Variants in CAPZB observed in about 807,000 individuals in gnomAD.
CAPZB encodes capping actin protein of muscle Z-line subunit beta, also known as F-actin-capping protein subunit beta.
A neutral mutation model predicts 38.1 loss-of-function variants in CAPZB; 2 were observed. The observed-to-expected ratio is 0.05, with a 90% CI of 0.02 to 0.17. The LOEUF (loss-of-function observed/expected upper bound fraction) is 0.17, where lower values mean the gene tolerates loss of function less well. Ranked by LOEUF, CAPZB falls within the 10% of genes least tolerant of loss-of-function variation. The probability of loss-of-function intolerance (pLI) is 1.00; values close to 1 mark genes in which losing one functional copy is unlikely to be tolerated. For synonymous variants in CAPZB, 107 were observed against 127.4 expected (o/e 0.84, Z 1.08); for missense variants, 161 against 334.2 (o/e 0.48, Z 4.04).
At chr1:19,477,698 C>G (rs2094611720) in intron 1 of CAPZB, among the ~76,000 whole-genome samples, 1 of 152,190 alleles carries the variant, frequency 6.6e-6, no homozygotes, top group African/African-American at 2.4e-5. Flanking sequence ...GCCACTGGCT[C>G]AATTCTAATT....
intron 6 of CAPZB, among the ~76,000 whole-genome samples, chr1:19,355,068 G>A (rs1201014583): frequency 6.6e-6 from 1 of 152,242 alleles, no homozygotes; most frequent in Non-Finnish European, 1.5e-5. Context: ...CTCTGACACA[G>A]GAGAGGCAGT....
intron 2 of CAPZB, among the ~76,000 whole-genome samples, chr1:19,402,140 G>T (rs925325098): frequency 6.6e-6 from 1 of 152,220 alleles, no homozygotes; most frequent in African/African-American, 2.4e-5. Context: ...TGGCAAGCCA[G>T]GAGTTTACTT....
chr1:19,399,015 C>G (rs1225155572), intron 2 of CAPZB, among the ~76,000 whole-genome samples: 2 of 151,906 alleles, frequency 1.3e-5, no homozygotes, highest in Non-Finnish European at 2.9e-5. Flanking sequence ...TGCCACCATG[C>G]TTGGCTAATT....
chr1:19,415,788 C>T (rs2100474851), intron 2 of CAPZB, among the ~76,000 whole-genome samples: 1 of 152,380 alleles, frequency 6.6e-6, no homozygotes, highest in East Asian at 1.9e-4. Context: ...ATCCACCTGC[C>T]TTGGCCTCCC....
chr1:19,434,650 G>A (rs1286690681), intron 1 of CAPZB, among the ~76,000 whole-genome samples: 1 of 151,694 alleles, frequency 6.6e-6, no homozygotes, highest in Non-Finnish European at 1.5e-5. Flanking sequence ...AATGTTTCTA[G>A]CCAACGCAGT....
chr1:19,427,933 C>T (rs2094429059), intron 1 of CAPZB, among the ~76,000 whole-genome samples: 1 of 152,146 alleles, frequency 6.6e-6, no homozygotes, highest in Admixed American at 6.5e-5. Flanking sequence ...AAAAACCATG[C>T]AACATAAAAG....
intron 2 of CAPZB, among the ~76,000 whole-genome samples, chr1:19,398,846 G>A (rs894364534): frequency 1.3e-4 from 20 of 150,852 alleles, no homozygotes; most frequent in African/African-American, 2.0e-4. Flanking sequence ...GGCAGACAGC[G>A]TGGGATGCCG....
chr1:19,348,762 G>T (rs541763531), intron 6 of CAPZB, among the ~76,000 whole-genome samples: 6 of 131,862 alleles, frequency 4.6e-5, no homozygotes, highest in African/African-American at 8.7e-5. Flanking sequence ...TCTGACAAGG[G>T]GGGGGGGCGG....
intron 2 of CAPZB, among the ~76,000 whole-genome samples, chr1:19,400,954 G>A (rs941612752): frequency 3.9e-5 from 6 of 152,086 alleles, no homozygotes; most frequent in Non-Finnish European, 7.4e-5. Context: ...TTGTAGCACT[G>A]TTGCACATTG....
At chr1:19,466,170 A>G (rs1162944452) in intron 1 of CAPZB, among the ~76,000 whole-genome samples, 2 of 152,160 alleles carry the variant, frequency 1.3e-5, no homozygotes, top group Non-Finnish European at 2.9e-5. Context: ...GATCAGACTC[A>G]GAGGTGAATC....
chr1:19,419,962 G>T, intron 1 of CAPZB: 1 of 521,844 alleles, frequency 1.9e-6, no homozygotes, highest in Non-Finnish European at 3.4e-6. Context: ...GTCTCAAGTG[G>T]GGGCATCCAA....
intron 2 of CAPZB, among the ~76,000 whole-genome samples, chr1:19,412,022 G>C (rs2094359129): frequency 6.6e-6 from 1 of 152,192 alleles, no homozygotes. Flanking sequence ...CCCCACAGCT[G>C]CCGCCCATTC....
intron 3 of CAPZB, among the ~76,000 whole-genome samples, chr1:19,380,777 C>T (rs7514223): frequency 1.3e-5 from 2 of 152,176 alleles, no homozygotes; most frequent in African/African-American, 4.8e-5. Context: ...AGCTAGGAGG[C>T]GGCAAGAGCC....
intron 1 of CAPZB, chr1:19,424,786 A>G (rs1177992200): frequency 6.6e-6 from 1 of 152,264 alleles, no homozygotes; most frequent in Admixed American, 6.5e-5. Flanking sequence ...GAGAGCAGAC[A>G]TGCCTAACCG....
intron 1 of CAPZB, among the ~76,000 whole-genome samples, chr1:19,436,323 C>T (rs1314380579): frequency 6.6e-6 from 1 of 152,206 alleles, no homozygotes; most frequent in Admixed American, 6.5e-5. Flanking sequence ...GGAGCCAGCT[C>T]GGTTCTCAGA....
intron 1 of CAPZB, among the ~76,000 whole-genome samples, chr1:19,472,950 C>T (rs1570367037): frequency 6.6e-6 from 1 of 151,998 alleles, no homozygotes; most frequent in Non-Finnish European, 1.5e-5. Flanking sequence ...ATCTCCTGAC[C>T]TCATGATCCG....
chr1:19,406,907 G>C lies in CAPZB; in HGVS notation c.93+12754C>G, dbSNP rs556034229. Among the ~76,000 whole-genome samples, 46 of 152,246 alleles carry C rather than the reference G, an allele frequency of 3.0e-4. No individual in the cohort carries two copies. The South Asian group carries it at 8.7e-3, about 29-fold the overall frequency. On this transcript the variant is annotated intron_variant, in intron 2 of 8. Coordinates refer to ENST00000264202, the MANE Select transcript of CAPZB (RefSeq NM_004930.5). ...TTTACACCCCCCATCTCTCATTCTT[G>C]AAGTTAGTGTCATGCCCATCTCACA...
intron 2 of CAPZB, among the ~76,000 whole-genome samples, chr1:19,417,156 T>C (rs2094383613): frequency 6.6e-6 from 1 of 152,068 alleles, no homozygotes; most frequent in Non-Finnish European, 1.5e-5. Context: ...AGCAGCTACA[T>C]GCACATCCCT....
intron 2 of CAPZB, among the ~76,000 whole-genome samples, chr1:19,391,398 C>T (rs1370011167): frequency 6.6e-6 from 1 of 152,166 alleles, no homozygotes; most frequent in Non-Finnish European, 1.5e-5. Flanking sequence ...TTTTGATCTG[C>T]CTGTTGGCCG....
Sources: gnomAD v4.1 joint callset for allele counts (sites outside exome capture counted in the v4.1 genomes callset) on GRCh38, gnomAD v4.1.1 for gene constraint, MANE v1.5 for transcripts, NCBI Gene and HGNC (gene_info 2026-07-23, HGNC 2026-07-21) for gene names.